The following EXOC6B variants were observed in gnomAD, a reference collection of about 807,000 sequenced individuals.
EXOC6B encodes the protein exocyst complex component 6B.
Under a neutral mutation model 113.5 loss-of-function variants are expected in EXOC6B, and 54 were observed. That is an observed-to-expected ratio of 0.48 (90% confidence interval 0.38 to 0.60). EXOC6B has a LOEUF of 0.60. Ranked by LOEUF, EXOC6B falls within the 20% of genes least tolerant of loss-of-function variation. The pLI, the probability that EXOC6B is intolerant of heterozygous loss-of-function variation, is 0.00. For missense variants in EXOC6B, 797 were observed against 977.5 expected (o/e 0.82, Z 2.46); for synonymous variants, 357 against 339.0 (o/e 1.05, Z -0.58).
intron 20 of EXOC6B, among the ~76,000 whole-genome samples, chr2:72,270,698 T>A (rs1395881334): frequency 6.6e-6 from 1 of 152,096 alleles, no homozygotes; most frequent in Non-Finnish European, 1.5e-5. Flanking sequence ...CAGTAGCAGA[T>A]ACAGATTTCT....
chr2:72,787,206 TATTTTTA>T (rs1684423868), intron 1 of EXOC6B, among the ~76,000 whole-genome samples: 51 of 152,180 alleles, frequency 3.4e-4, no homozygotes, highest in Admixed American at 3.1e-3. Flanking sequence ...TTTATTTTTT[TATTTTTA>T]TTTTTTATTT....
chr2:72,395,067 G>T (rs569997607), intron 18 of EXOC6B, among the ~76,000 whole-genome samples: 1 of 151,536 alleles, frequency 6.6e-6, no homozygotes, highest in Non-Finnish European at 1.5e-5. Context: ...AAAGAGAAAA[G>T]AAAAAAAGGA....
At chr2:72,511,355 C>T (rs1462037852) in intron 11 of EXOC6B, among the ~76,000 whole-genome samples, 1 of 152,082 alleles carries the variant, frequency 6.6e-6, no homozygotes, top group Non-Finnish European at 1.5e-5. Context: ...AGAAAGGAAA[C>T]CATTCACCTA....
intron 17 of EXOC6B, among the ~76,000 whole-genome samples, chr2:72,473,104 C>A (rs369630783): frequency 6.6e-6 from 1 of 152,082 alleles, no homozygotes; most frequent in East Asian, 1.9e-4. Flanking sequence ...AATATATGGT[C>A]TATCTTGGAG....
chr2:72,313,957 A>C (rs947197325), intron 20 of EXOC6B, among the ~76,000 whole-genome samples: 1 of 152,182 alleles, frequency 6.6e-6, no homozygotes, highest in Non-Finnish European at 1.5e-5. Flanking sequence ...GGGAGATTTC[A>C]GCAGGCTAGA....
At chr2:72,536,892 G>A (rs916918879) in intron 8 of EXOC6B, among the ~76,000 whole-genome samples, 7 of 152,120 alleles carry the variant, frequency 4.6e-5, no homozygotes, top group Non-Finnish European at 8.8e-5. Context: ...TAACAACTTT[G>A]CATTGTATGA....
intron 8 of EXOC6B, among the ~76,000 whole-genome samples, chr2:72,535,827 G>A (rs559564571): frequency 1.1e-4 from 16 of 149,650 alleles, no homozygotes; most frequent in South Asian, 2.1e-4. Flanking sequence ...CCAAGATTGC[G>A]CCATTGCACT....
chr2:72,459,014 A>G (rs563816380), intron 18 of EXOC6B, among the ~76,000 whole-genome samples: 140 of 152,242 alleles, frequency 9.2e-4, no homozygotes, highest in Non-Finnish European at 1.5e-3. Context: ...TTCAGAAAAC[A>G]TTTTCTAAAA....
At chr2:72,677,993 G>A (rs72846925) in intron 6 of EXOC6B, among the ~76,000 whole-genome samples, 97 of 152,188 alleles carry the variant, frequency 6.4e-4, no homozygotes, top group South Asian at 2.5e-3. Flanking sequence ...GATTGCAGTA[G>A]GACTCTCTAG....
At chr2:72,777,917 C>T (rs964618392) in intron 1 of EXOC6B, among the ~76,000 whole-genome samples, 2 of 151,854 alleles carry the variant, frequency 1.3e-5, no homozygotes, top group Admixed American at 6.6e-5. Flanking sequence ...CCAGAAAAAT[C>T]ACAAAGAAAA....
chr2:72,642,252 G>C (rs1299206621), intron 6 of EXOC6B, among the ~76,000 whole-genome samples: 1 of 148,442 alleles, frequency 6.7e-6, no homozygotes, highest in Non-Finnish European at 1.5e-5. Context: ...TCACAGAATT[G>C]GAAAAAACTA....
intron 20 of EXOC6B, among the ~76,000 whole-genome samples, chr2:72,270,003 T>C (rs532057119): frequency 6.6e-5 from 10 of 152,192 alleles, no homozygotes; most frequent in African/African-American, 1.9e-4. Context: ...AGGTTCAGGA[T>C]GTGAGGTGGT....
intron 20 of EXOC6B, among the ~76,000 whole-genome samples, chr2:72,188,679 C>T (rs187460739): frequency 6.6e-6 from 1 of 152,354 alleles, no homozygotes; most frequent in East Asian, 1.9e-4. Flanking sequence ...TGATTCTCCA[C>T]ATACAACAAC....
intron 8 of EXOC6B, among the ~76,000 whole-genome samples, chr2:72,558,322 G>C (rs1386024725): frequency 2.6e-5 from 4 of 151,954 alleles, no homozygotes; most frequent in Non-Finnish European, 5.9e-5. Context: ...AAAAGAGGAA[G>C]ATGAAGAAGT....
At chr2:72,180,199 T>C (rs888664698) in intron 21 of EXOC6B, among the ~76,000 whole-genome samples, 1 of 152,238 alleles carries the variant, frequency 6.6e-6, no homozygotes, top group African/African-American at 2.4e-5. Context: ...CCTGGACCTT[T>C]GACCTTTGGG....
chr2:72,761,180 A>C (rs1682721458), intron 1 of EXOC6B, among the ~76,000 whole-genome samples: 1 of 151,162 alleles, frequency 6.6e-6, no homozygotes, highest in Non-Finnish European at 1.5e-5. Context: ...CTCTGTCTCA[A>C]AAAAAAAAGA....
rs185519809 is a variant in EXOC6B, at chr2:72,679,788, C to T, written c.669+38315G>A. Reference sequence around the variant, plus strand: ...TTTCAAAAGAGAAATGGAATATAAACAATGCTTGGCTGGAAACAATGATTC... The same window carrying T: ...TTTCAAAAGAGAAATGGAATATAAATAATGCTTGGCTGGAAACAATGATTC... On this transcript the variant is annotated intron_variant, in intron 6 of 21. Transcript: ENST00000272427. Among the ~76,000 whole-genome samples the T allele has an allele frequency of 6.6e-5, 10 of 152,204 alleles. No homozygotes were observed. The East Asian group carries it at 1.9e-3, about 29-fold the overall frequency.
At chr2:72,536,796 GA>G (rs1406597148) in intron 8 of EXOC6B, among the ~76,000 whole-genome samples, 1 of 152,106 alleles carries the variant, frequency 6.6e-6, no homozygotes, top group Non-Finnish European at 1.5e-5. Flanking sequence ...GGATGAATCA[GA>G]AAAAAGTCTC....
chr2:72,613,152 C>A (rs893928382), intron 6 of EXOC6B, among the ~76,000 whole-genome samples: 7 of 152,002 alleles, frequency 4.6e-5, no homozygotes, highest in African/African-American at 1.7e-4. Context: ...GTTCATATAA[C>A]AAAACATTTT....
Sources: allele counts gnomAD v4.1 joint callset (sites outside exome capture counted in the v4.1 genomes callset), GRCh38; gene constraint gnomAD v4.1.1; transcripts MANE v1.5; gene names NCBI Gene and HGNC (gene_info 2026-07-23, HGNC 2026-07-21).